Variants in TNNI3K observed in about 807,000 individuals in gnomAD.
The protein encoded by TNNI3K is TNNI3 interacting kinase, also known as serine/threonine-protein kinase TNNI3K.
A neutral mutation model predicts 114.5 loss-of-function variants in TNNI3K; 140 were observed. That is an observed-to-expected ratio of 1.22 (90% confidence interval 1.07 to 1.41). TNNI3K has a LOEUF of 1.41. TNNI3K is among the 40% of genes most tolerant of loss of function. The probability of loss-of-function intolerance (pLI) is 0.00; values close to 1 mark genes in which losing one functional copy is unlikely to be tolerated. For missense variants in TNNI3K, 1,125 were observed against 1,007.6 expected (o/e 1.12, Z -1.58); for synonymous variants, 347 against 347.5 (o/e 1.00, Z 0.02).
At chr1:74,391,963 T>TA (rs1663801492) in intron 17 of TNNI3K, among the ~76,000 whole-genome samples, 1 of 116,514 alleles carries the variant, frequency 8.6e-6, no homozygotes, top group Non-Finnish European at 1.8e-5. Context: ...TATTATTTTT[T>TA]TTTTTTTTTT....
chr1:74,427,941 G>A (rs1364368985), intron 17 of TNNI3K, among the ~76,000 whole-genome samples: 4 of 147,366 alleles, frequency 2.7e-5, no homozygotes, highest in African/African-American at 7.8e-5. Flanking sequence ...AAGAGTATGA[G>A]GTTTTTTTTT....
rs45582636 is a variant in TNNI3K, at chr1:74,355,604, A to AAAATAAATAAAT, written c.1177+1492_1177+1503dup. ...GGCAACAGGGCGATACTCCGTCTCA[A>AAAATAAATAAAT]AAATAAATAAATAAATAAATAAATA... On this transcript the variant is annotated intron_variant, in intron 11 of 24. Coordinates refer to ENST00000326637, the MANE Select transcript of TNNI3K (RefSeq NM_015978.3). Among the ~76,000 whole-genome samples the AAAATAAATAAAT allele has an allele frequency of 3.1e-3, 464 of 151,728 alleles. 3 individuals are homozygous for AAAATAAATAAAT. Among genetic ancestry groups the AAAATAAATAAAT allele is most frequent in the African/African-American group, 0.011 (448 of 41,158 alleles).
Position 74,369,553 on chromosome 1 carries a change from T to C in TNNI3K, c.1635T>C (p.Gly545=). The change falls in exon 16 of 25, where the codon GGT becomes GGC. Residue 545 remains glycine, a synonymous_variant. Coordinates refer to ENST00000326637, the MANE Select transcript of TNNI3K (RefSeq NM_015978.3). ...FAIVTQYISG[G]SLFSLLHEQK... Reference sequence around the variant, plus strand: ...TTGTCACTCAATACATATCAGGGGGTTCTCTGTTCTCCCTCCTTCATGAGC... The same window carrying C: ...TTGTCACTCAATACATATCAGGGGGCTCTCTGTTCTCCCTCCTTCATGAGC... The C allele has an allele frequency of 6.2e-7, 1 of 1,610,902 alleles. No individual in the cohort carries two copies.
intron 21 of TNNI3K, chr1:74,483,173 C>G (rs1668587938): frequency 1.5e-6 from 1 of 673,840 alleles, no homozygotes; most frequent in South Asian, 1.6e-5. Flanking sequence ...TTAAGCTGAG[C>G]CCAGAGAACA....
chr1:74,459,044 A>AT (rs1667341142), intron 20 of TNNI3K, among the ~76,000 whole-genome samples: 1 of 152,192 alleles, frequency 6.6e-6, no homozygotes, highest in Non-Finnish European at 1.5e-5. Context: ...TTCCCCTTGG[A>AT]TAATGACCTC....
chr1:74,449,625 CT>C (rs1458209488), intron 20 of TNNI3K, among the ~76,000 whole-genome samples: 1 of 151,808 alleles, frequency 6.6e-6, no homozygotes, highest in East Asian at 1.9e-4. Context: ...ATAAAACAGA[CT>C]TTAAACCAAC....
intron 21 of TNNI3K, among the ~76,000 whole-genome samples, chr1:74,474,806 C>G (rs1668110033): frequency 6.6e-6 from 1 of 151,990 alleles, no homozygotes; most frequent in Non-Finnish European, 1.5e-5. Context: ...TCCCTGACAG[C>G]TCAGCAAGCA....
rs146837205 is a variant in TNNI3K, at chr1:74,481,246, G to A, written c.2122-7943G>A. Among the ~76,000 whole-genome samples, 1,487 of 152,202 alleles carry A rather than the reference G, an allele frequency of 9.8e-3. 5 individuals carry two copies. Among genetic ancestry groups the A allele is most frequent in the Non-Finnish European group, 0.017 (1,134 of 68,002 alleles). The stretch of plus-strand genomic sequence containing the variant: ...CTTTAGATGTCAAAGTTAATTCATT[G>A]TTTCGGATTATCTTCATCGATGTTA... On this transcript the variant is annotated intron_variant, in intron 21 of 24. Transcript: ENST00000326637.
At chr1:74,499,965 A>G (rs930848006) in intron 23 of TNNI3K, among the ~76,000 whole-genome samples, 1 of 151,988 alleles carries the variant, frequency 6.6e-6, no homozygotes, top group Non-Finnish European at 1.5e-5. Flanking sequence ...TTCTCACCCT[A>G]TCTTTCTATC....
chr1:74,359,114 C>T (rs1390068528), intron 11 of TNNI3K, among the ~76,000 whole-genome samples: 1 of 152,090 alleles, frequency 6.6e-6, no homozygotes, highest in East Asian at 1.9e-4. Flanking sequence ...CTCTTACCAA[C>T]ACACTGTAAA....
intron 6 of TNNI3K, among the ~76,000 whole-genome samples, chr1:74,333,946 T>C (rs762077246): frequency 6.6e-6 from 1 of 152,234 alleles, no homozygotes; most frequent in African/African-American, 2.4e-5. Context: ...TCTGCTGTTC[T>C]GATTTCACCT....
At chr1:74,507,194 C>T (rs988289719) in intron 23 of TNNI3K, among the ~76,000 whole-genome samples, 14 of 151,020 alleles carry the variant, frequency 9.3e-5, no homozygotes, top group African/African-American at 3.2e-4. Context: ...GCAAATATCA[C>T]ACATGATGAG....
intron 5 of TNNI3K, among the ~76,000 whole-genome samples, chr1:74,280,287 C>T (rs1211330904): frequency 2.0e-5 from 3 of 151,918 alleles, no homozygotes; most frequent in Non-Finnish European, 4.4e-5. Context: ...GAGGCTGAGG[C>T]AGGAGAATGG....
chr1:74,257,391 A>G (rs1655379558), intron 4 of TNNI3K, among the ~76,000 whole-genome samples: 1 of 152,048 alleles, frequency 6.6e-6, no homozygotes, highest in African/African-American at 2.4e-5. Context: ...ATTTGTTTCT[A>G]TTTCATGTTG....
chr1:74,402,671 A>G (rs1664427135), intron 17 of TNNI3K, among the ~76,000 whole-genome samples: 1 of 152,214 alleles, frequency 6.6e-6, no homozygotes. Context: ...TGAACTATTC[A>G]GGTTGCTGGC....
At chr1:74,476,414 A>G (rs1374321187) in intron 21 of TNNI3K, among the ~76,000 whole-genome samples, 2 of 151,944 alleles carry the variant, frequency 1.3e-5, no homozygotes, top group Non-Finnish European at 2.9e-5. Flanking sequence ...TTTCACCCTT[A>G]TGAGGTGTAT....
chr1:74,317,774 T>C (rs1196013445), intron 5 of TNNI3K, among the ~76,000 whole-genome samples: 1 of 152,166 alleles, frequency 6.6e-6, no homozygotes, highest in African/African-American at 2.4e-5. Flanking sequence ...ATAGAGTCTA[T>C]CCCTGGACCT....
Position 74,365,064 on chromosome 1 carries a change from C to T in TNNI3K, c.1178-2192C>T, listed in dbSNP as rs1289480853. On this transcript the variant is annotated intron_variant, in intron 11 of 24. Coordinates refer to ENST00000326637, the MANE Select transcript of TNNI3K (RefSeq NM_015978.3). ...TTCCAAAAAGGAGTTTCCAAGTTCA[C>T]CTACAATTCTTGGGGCAAAAAGTAA... 2.0e-5 allele frequency among the ~76,000 whole-genome samples: 3 copies of T among 152,026 alleles called. No homozygotes were observed. The East Asian group carries it at 5.8e-4, about 29-fold the overall frequency.
At chr1:74,366,544 G>C (rs1244989168) in intron 11 of TNNI3K, 1 of 151,968 alleles carries the variant, frequency 6.6e-6, no homozygotes, top group East Asian at 1.9e-4. Context: ...AGAGCCTTCT[G>C]CATCTAGCCA....
Sources: gnomAD v4.1 joint callset for allele counts (sites outside exome capture counted in the v4.1 genomes callset) on GRCh38, gnomAD v4.1.1 for gene constraint, MANE v1.5 for transcripts, NCBI Gene and HGNC (gene_info 2026-07-23, HGNC 2026-07-21) for gene names.